Variants in TRPV1 observed in about 807,000 individuals in gnomAD.
TRPV1 encodes transient receptor potential cation channel subfamily V member 1.
Under a neutral mutation model 82.3 loss-of-function variants are expected in TRPV1, and 82 were observed. That is an observed-to-expected ratio of 1.00 (90% CI 0.83 to 1.20). TRPV1 has a LOEUF of 1.20. TRPV1 is among the 50% of genes most tolerant of loss of function. TRPV1 has a pLI of 0.00. For missense variants in TRPV1, 1,067 were observed against 1,096.8 expected (o/e 0.97, Z 0.38); for synonymous variants, 515 against 467.7 (o/e 1.10, Z -1.30).
chr17:3,590,760 G>A (rs974259538), intron 5 of TRPV1, among the ~76,000 whole-genome samples: 18 of 152,004 alleles, frequency 1.2e-4, no homozygotes, highest in Admixed American at 5.2e-4. Context: ...ACATCAGATC[G>A]GGGAGGCAGA....
At chr17:3,589,122 C>T (rs933624865) in intron 7 of TRPV1, among the ~76,000 whole-genome samples, 2 of 152,080 alleles carry the variant, frequency 1.3e-5, no homozygotes, top group African/African-American at 4.8e-5. Context: ...GAGCTGGGAG[C>T]TGGAGCCATC....
At chr17:3,609,096 G>C (rs1179731660) in intron 1 of TRPV1, 1 of 152,192 alleles carries the variant, frequency 6.6e-6, no homozygotes, top group Non-Finnish European at 1.5e-5. Flanking sequence ...ATGTTGGTCA[G>C]GCTGGTCTTG....
At chr17:3,582,314 G>A (rs931709331) in intron 10 of TRPV1, among the ~76,000 whole-genome samples, 1 of 151,300 alleles carries the variant, frequency 6.6e-6, no homozygotes, top group African/African-American at 2.4e-5. Flanking sequence ...AGAGGTTGAA[G>A]TGAGCCACGA....
At chr17:3,584,417 T>TAAAAAA (rs1491126031) in intron 9 of TRPV1, among the ~76,000 whole-genome samples, 1 of 40,908 alleles carries the variant, frequency 2.4e-5, no homozygotes, top group African/African-American at 1.1e-4. Context: ...AAAAAAAAAA[T>TAAAAAA]AAAATAAAAA....
At chr17:3,601,620 AG>A (rs1392857677) in intron 2 of TRPV1, 1 of 151,600 alleles carries the variant, frequency 6.6e-6, no homozygotes, top group Non-Finnish European at 1.5e-5. Flanking sequence ...TTTTTTAAAG[AG>A]GTGGTATCTT....
At position 3,597,383 on chromosome 17, in the gene TRPV1, G is replaced by A. The variant is rs116805965; in HGVS notation, c.-33-5000C>T. The stretch of plus-strand genomic sequence containing the variant: ...TCCACAAATGACATTCACAACCAGC[G>A]ACGTCAAAACTAGCGTCCTGTAACT... On this transcript the variant is annotated intron_variant, in intron 2 of 16. Coordinates refer to ENST00000572705, the MANE Select transcript of TRPV1 (RefSeq NM_080704.4). 1.9e-3 allele frequency among the ~76,000 whole-genome samples: 291 copies of A among 152,260 alleles called. 1 individual carries two copies. The highest frequency in any genetic ancestry group is 6.4e-3 in the African/African-American group (268 of 41,558).
intron 7 of TRPV1, among the ~76,000 whole-genome samples, chr17:3,589,403 G>C (rs909693533): frequency 2.0e-5 from 3 of 151,854 alleles, no homozygotes; most frequent in Admixed American, 2.0e-4. Context: ...GGTTTCACCA[G>C]GTTGGTCAGG....
chr17:3,590,820 C>G, intron 5 of TRPV1, 144 bp downstream of exon 5: 1 of 1,169,288 alleles, frequency 8.6e-7, no homozygotes, highest in Non-Finnish European at 1.2e-6. Flanking sequence ...GAGGCAGGGA[C>G]CCCCTAGGAT....
rs1276759217 is a variant in TRPV1, at chr17:3,592,032, C to G, written c.284+35G>C. 3 of 1,595,888 alleles carry G rather than the reference C, an allele frequency of 1.9e-6. No homozygotes were observed. The South Asian group carries it at 3.4e-5, about 18-fold the overall frequency. ...TGGCATCTCCATGGCCAGCTGGGCT[C>G]CCAGCAGGGAGGGGGGCTCCAGACG... On this transcript the variant is annotated intron_variant, in intron 3 of 16. Transcript: ENST00000572705.
chr17:3,569,738 C>G (rs1307139954), intron 16 of TRPV1, among the ~76,000 whole-genome samples: 4 of 152,192 alleles, frequency 2.6e-5, no homozygotes, highest in Admixed American at 2.0e-4. Context: ...CTGAGCTGTG[C>G]TAGCTCATGG....
intron 3 of TRPV1, 143 bp from the exon 4 acceptor site, chr17:3,591,496 G>A (rs2075157454): frequency 2.0e-6 from 2 of 977,560 alleles, no homozygotes; most frequent in Non-Finnish European, 2.9e-6. Context: ...CTCAGTCTAG[G>A]TGACTGTCCA....
chr17:3,581,198 G>C (rs758341190), intron 10 of TRPV1, among the ~76,000 whole-genome samples: 3 of 151,984 alleles, frequency 2.0e-5, no homozygotes, highest in Admixed American at 6.6e-5. Context: ...GCCCAAGCTG[G>C]TCTCAAACTC....
At position 3,572,188 on chromosome 17, in the gene TRPV1, C is replaced by T. The variant is rs771123129; in HGVS notation, c.2165G>A (p.Arg722His). 28 of 1,613,038 alleles carry T rather than the reference C, an allele frequency of 1.7e-5. No homozygotes were observed. Among genetic ancestry groups the T allele is most frequent in the African/African-American group, 6.7e-5 (5 of 74,920 alleles). Residue 722 changes from arginine (R) to histidine (H), a missense_variant, in exon 15 of 17, where the codon CGC (arginine) becomes CAC (histidine). By Grantham distance (29) the Arg-to-His change is conservative. Transcript: ENST00000572705. ...CCCCACCTGCAGCAGCTTGCCTGAG[C>T]GGAAGGCCTTCCTCATGCACTTAAG... ...SFLKCMRKAF[R>H]SGKLLQVGYT...
At chr17:3,572,363 G>T in intron 14 of TRPV1, 114 bp from the exon 15 acceptor site, 1 of 1,356,454 alleles carries the variant, frequency 7.4e-7, no homozygotes, top group African/African-American at 1.4e-5. Context: ...GATGCCTCCA[G>T]GGTGGTTGTC....
intron 2 of TRPV1, chr17:3,602,106 C>T (rs2075267421): frequency 6.6e-6 from 1 of 152,120 alleles, no homozygotes; most frequent in African/African-American, 2.4e-5. Context: ...ACAATTTTGT[C>T]CCCGTTTTAC....
chr17:3,580,028 G>GC (rs2074985790), intron 11 of TRPV1, among the ~76,000 whole-genome samples: 1 of 39,232 alleles, frequency 2.5e-5, no homozygotes, highest in South Asian at 8.4e-4. Flanking sequence ...GGCAGCCCCC[G>GC]CCCCGCCCCG....
chr17:3,570,080 G>A (rs1329790072), intron 16 of TRPV1, among the ~76,000 whole-genome samples: 2 of 152,078 alleles, frequency 1.3e-5, no homozygotes, highest in Non-Finnish European at 2.9e-5. Context: ...GAGTTTCCGT[G>A]TGGGATGATT....
intron 13 of TRPV1, among the ~76,000 whole-genome samples, chr17:3,576,668 A>ATATAT (rs1555549457): frequency 4.2e-4 from 16 of 38,422 alleles, no homozygotes; most frequent in East Asian, 1.7e-3. Flanking sequence ...AAAAAAAAAA[A>ATATAT]ATATATATAT....
Position 3,591,012 on chromosome 17 carries a change from T to G in TRPV1, c.556A>C (p.Ser186Arg), listed in dbSNP as rs1198668996. Residue 186 changes from serine to arginine, a missense_variant, in exon 5 of 17, where the codon AGC becomes CGC. Coordinates refer to ENST00000572705, the MANE Select transcript of TRPV1 (RefSeq NM_080704.4). The stretch of plus-strand genomic sequence containing the variant: ...CTGGCGTTGACAAGCTCCTTCAGGC[T>G]GTCCGTTTGCCGCGCGATCTCCAGG... ...LLLEIARQTD[S>R]LKELVNASYT... 1 of 1,611,224 alleles carries G rather than the reference T, an allele frequency of 6.2e-7. No individual in the cohort carries two copies. Among genetic ancestry groups the G allele is most frequent in the African/African-American group, 1.3e-5 (1 of 74,894 alleles).
Sources: allele counts gnomAD v4.1 joint callset (sites outside exome capture counted in the v4.1 genomes callset), GRCh38; gene constraint gnomAD v4.1.1; transcripts MANE v1.5; gene names NCBI Gene and HGNC (gene_info 2026-07-23, HGNC 2026-07-21).